Variants in GLI2 observed in about 807,000 individuals in gnomAD.
GLI2 encodes the protein transcription activator GLI2.
A neutral mutation model predicts 78.9 loss-of-function variants in GLI2; 22 were observed. That is an observed-to-expected ratio of 0.28 (90% CI 0.20 to 0.40). The LOEUF (loss-of-function observed/expected upper bound fraction) is 0.40, where lower values mean the gene tolerates loss of function less well. Ranked by LOEUF, GLI2 falls within the 10% of genes least tolerant of loss-of-function variation. The probability of loss-of-function intolerance (pLI) is 1.00; values close to 1 mark genes in which losing one functional copy is unlikely to be tolerated. For missense variants in GLI2, 2,097 were observed against 2,213.2 expected, an observed-to-expected ratio of 0.95 and a Z score of 1.05; for synonymous variants, 974 against 963.7, an observed-to-expected ratio of 1.01 and a Z score of -0.20.
chr2:120,803,155 C>T (rs1464052173), intron 2 of GLI2, among the ~76,000 whole-genome samples: 2 of 152,256 alleles, frequency 1.3e-5, no homozygotes, highest in African/African-American at 4.8e-5. Flanking sequence ...TGGATAGTAG[C>T]TGTAACACTG....
At chr2:120,823,526 A>G (rs528351631) in intron 2 of GLI2, among the ~76,000 whole-genome samples, 1 of 152,276 alleles carries the variant, frequency 6.6e-6, no homozygotes, top group African/African-American at 2.4e-5. Context: ...AGAGGATGAG[A>G]GAGTGATGTG....
At chr2:120,954,871 G>GCCTC (rs1183010384) in intron 4 of GLI2, among the ~76,000 whole-genome samples, 1 of 152,190 alleles carries the variant, frequency 6.6e-6, no homozygotes, top group Non-Finnish European at 1.5e-5. Context: ...CCGCTGAAGT[G>GCCTC]CCTCTGTTTG....
rs1222082865 is a variant in GLI2, at chr2:120,970,118, T to G, written c.846-275T>G. Among the ~76,000 whole-genome samples the G allele has an allele frequency of 2.6e-5, 4 of 151,802 alleles. No homozygotes were observed. The East Asian group carries it at 7.7e-4, about 29-fold the overall frequency. On this transcript the variant is annotated intron_variant, in intron 6 of 13. Transcript: ENST00000361492. ...TATCACAGCAGTGGAGAGGCCAGGGTGTGGGGATGAGCTGGAGCCTGGTCC... is the reference window on the plus strand; with the variant it reads ...TATCACAGCAGTGGAGAGGCCAGGGGGTGGGGATGAGCTGGAGCCTGGTCC...
At chr2:120,846,336 C>T (rs1467851975) in intron 2 of GLI2, among the ~76,000 whole-genome samples, 1 of 152,208 alleles carries the variant, frequency 6.6e-6, no homozygotes, top group Non-Finnish European at 1.5e-5. Flanking sequence ...GCAAAAATCA[C>T]TCAGAAGAGG....
At chr2:120,945,993 C>A (rs1680693828) in intron 3 of GLI2, among the ~76,000 whole-genome samples, 1 of 18,260 alleles carries the variant, frequency 5.5e-5, no homozygotes, top group African/African-American at 7.9e-5. Flanking sequence ...ACACACACAG[C>A]TTTGTGCTCC....
At chr2:120,857,988 C>A (rs1224119404) in intron 2 of GLI2, among the ~76,000 whole-genome samples, 5 of 152,166 alleles carry the variant, frequency 3.3e-5, no homozygotes, top group African/African-American at 1.2e-4. Flanking sequence ...CTCAGAGCAT[C>A]TTTTGTGGGT....
chr2:120,869,203 G>C (rs924984525), intron 2 of GLI2, among the ~76,000 whole-genome samples: 1 of 152,158 alleles, frequency 6.6e-6, no homozygotes, highest in Non-Finnish European at 1.5e-5. Flanking sequence ...GAAGCAACCT[G>C]GGGCACACTT....
At chr2:120,929,057 T>G (rs974179187) in intron 3 of GLI2, among the ~76,000 whole-genome samples, 2 of 152,240 alleles carry the variant, frequency 1.3e-5, no homozygotes, top group African/African-American at 4.8e-5. Flanking sequence ...TTGTCTTTCA[T>G]GACCTTGGCA....
In GLI2 at chr2:120,862,971, C is replaced by T. The variant is rs565004742; in HGVS notation, c.149-64390C>T. Among the ~76,000 whole-genome samples, 6 of 152,322 alleles carry T rather than the reference C, an allele frequency of 3.9e-5. No individual in the cohort carries two copies. In the South Asian group the frequency reaches 1.2e-3, roughly 32 times the overall value. ...CAGAGGCAGTGGAGCAGCTGGGGAT[C>T]AGCTCTGCCCCTTGCCAGCTGCAAA... On this transcript the variant is annotated intron_variant, in intron 2 of 13. Transcript: ENST00000361492.
chr2:120,938,800 A>G (rs1026560305), intron 3 of GLI2, among the ~76,000 whole-genome samples: 1 of 152,142 alleles, frequency 6.6e-6, no homozygotes, highest in African/African-American at 2.4e-5. Context: ...TGAGCCTCAG[A>G]TGATTTCCAG....
chr2:120,910,896 C>G (rs186276100), intron 2 of GLI2, among the ~76,000 whole-genome samples: 1 of 152,246 alleles, frequency 6.6e-6, no homozygotes, highest in African/African-American at 2.4e-5. Context: ...GGAAAGACCA[C>G]GAATGAAGTG....
At chr2:120,763,815 G>A (rs1183489167) in intron 1 of GLI2, among the ~76,000 whole-genome samples, 1 of 152,250 alleles carries the variant, frequency 6.6e-6, no homozygotes, top group African/African-American at 2.4e-5. Flanking sequence ...GTCTGTGGGT[G>A]GGGCTGTGAA....
intron 2 of GLI2, among the ~76,000 whole-genome samples, chr2:120,848,831 G>A (rs1166767590): frequency 6.6e-6 from 1 of 152,180 alleles, no homozygotes; most frequent in African/African-American, 2.4e-5. Flanking sequence ...TGGCAGGAAG[G>A]GGCTGGGATG....
At chr2:120,914,864 G>T (rs1406717309) in intron 2 of GLI2, among the ~76,000 whole-genome samples, 7 of 152,244 alleles carry the variant, frequency 4.6e-5, no homozygotes, top group Admixed American at 6.5e-5. Context: ...CAGCAATCAA[G>T]CCAGACTTGG....
At chr2:120,938,293 T>A (rs767916378) in intron 3 of GLI2, among the ~76,000 whole-genome samples, 1 of 152,184 alleles carries the variant, frequency 6.6e-6, no homozygotes, top group Non-Finnish European at 1.5e-5. Flanking sequence ...GCTCCACCAA[T>A]GTCTTCACTT....
At chr2:120,934,335 T>C (rs1342692610) in intron 3 of GLI2, among the ~76,000 whole-genome samples, 3 of 152,076 alleles carry the variant, frequency 2.0e-5, no homozygotes, top group Non-Finnish European at 1.5e-5. Context: ...AGGCAGTGAG[T>C]GTATGGGGTG....
At chr2:120,784,585 C>T (rs1005648219) in intron 1 of GLI2, among the ~76,000 whole-genome samples, 3 of 152,118 alleles carry the variant, frequency 2.0e-5, no homozygotes, top group Admixed American at 6.5e-5. Flanking sequence ...TGGGGAGTCC[C>T]GAGGGGTAAG....
rs182874064 is a variant in GLI2 at position 120,829,977 on chromosome 2, G to A, written c.148+32509G>A. On this transcript the variant is annotated intron_variant, in intron 2 of 13. Coordinates refer to ENST00000361492, the MANE Select transcript of GLI2 (RefSeq NM_001374353.1). ...CAGGTGTGCCTGCGTGTGTGTGTGT[G>A]TATATATGTGCACGTGTGTGTAAAG... Among the ~76,000 whole-genome samples, 463 of 152,328 alleles carry A rather than the reference G, an allele frequency of 3.0e-3. 6 individuals are homozygous for A. Among genetic ancestry groups the A allele is most frequent in the African/African-American group, 9.3e-3 (387 of 41,584 alleles).
At chr2:120,786,596 G>A (rs1684003594) in intron 1 of GLI2, among the ~76,000 whole-genome samples, 1 of 152,180 alleles carries the variant, frequency 6.6e-6, no homozygotes, top group Admixed American at 6.5e-5. Flanking sequence ...AGCTCAGCAG[G>A]TACCCAGTTA....
Sources: gnomAD v4.1 joint callset for allele counts (sites outside exome capture counted in the v4.1 genomes callset) on GRCh38, gnomAD v4.1.1 for gene constraint, MANE v1.5 for transcripts, NCBI Gene and HGNC (gene_info 2026-07-23, HGNC 2026-07-21) for gene names.